The following SMIM36 variants were observed in gnomAD, a reference collection of about 807,000 sequenced individuals.
The protein encoded by SMIM36 is small integral membrane protein 36.
At chr17:55,529,377 C>G in the SMIM36 span, among the ~76,000 whole-genome samples, 13 of 152,170 alleles carry the variant, frequency 8.5e-5, no homozygotes, top group African/African-American at 3.1e-4. Flanking sequence ...AATCCCAACA[C>G]TTTGGGAGGC....
At chr17:55,478,705 A>C (rs1909467584) in intron 3 of SMIM36, 57 bp downstream of exon 3, 1 of 152,180 alleles carries the variant, frequency 6.6e-6, no homozygotes, top group African/African-American at 2.4e-5. Context: ...ACATTTCAGC[A>C]GCCCTGTTCT....
intron 1 of SMIM36, among the ~76,000 whole-genome samples, chr17:55,485,315 T>G (rs763516508): frequency 2.6e-5 from 4 of 151,984 alleles, no homozygotes; most frequent in Non-Finnish European, 5.9e-5. Flanking sequence ...AGACAAGGTT[T>G]TCTTGCTCTG....
At chr17:55,510,334 G>A (rs1235133583) in intron 1 of SMIM36, among the ~76,000 whole-genome samples, 1 of 152,148 alleles carries the variant, frequency 6.6e-6, no homozygotes, top group Admixed American at 6.5e-5. Flanking sequence ...ACTGGGTGCA[G>A]CAGCTCACAT....
At chr17:55,487,731 C>T (rs1321467256) in intron 1 of SMIM36, among the ~76,000 whole-genome samples, 1 of 152,140 alleles carries the variant, frequency 6.6e-6, no homozygotes, top group Non-Finnish European at 1.5e-5. Flanking sequence ...CCAGCAGTAT[C>T]ACCCTTGGGG....
chr17:55,479,575 C>T (rs1284833564), exon 2 of SMIM36: 1 of 152,124 alleles, frequency 6.6e-6, no homozygotes, highest in Non-Finnish European at 1.5e-5. Flanking sequence ...CAGAGTGAGA[C>T]TCCATCTCAA....
At chr17:55,487,453 G>T (rs1450354968) in intron 1 of SMIM36, among the ~76,000 whole-genome samples, 3 of 152,176 alleles carry the variant, frequency 2.0e-5, no homozygotes, top group Non-Finnish European at 4.4e-5. Context: ...GGAAGGCAAG[G>T]GATCAGGAAA....
intron 1 of SMIM36, among the ~76,000 whole-genome samples, chr17:55,497,952 G>A (rs771587701): frequency 6.6e-6 from 1 of 152,144 alleles, no homozygotes; most frequent in Admixed American, 6.5e-5. Context: ...TCCTAACAAA[G>A]TACTGCAAAC....
intron 4 of SMIM36, among the ~76,000 whole-genome samples, chr17:55,452,194 C>T (rs1181517193): frequency 6.6e-6 from 1 of 151,816 alleles, no homozygotes; most frequent in Non-Finnish European, 1.5e-5. Flanking sequence ...TGTATTTGGC[C>T]ATACATCCTA....
upstream of SMIM36, among the ~76,000 whole-genome samples, chr17:55,514,513 G>C (rs150836715): frequency 5.3e-3 from 804 of 152,320 alleles, 8 homozygotes; most frequent in African/African-American, 0.017. Context: ...GAAGCTTAAA[G>C]AGGCAGTGGA....
At chr17:55,493,281 C>T (rs1425863799) in intron 1 of SMIM36, among the ~76,000 whole-genome samples, 1 of 152,190 alleles carries the variant, frequency 6.6e-6, no homozygotes, top group Non-Finnish European at 1.5e-5. Flanking sequence ...TAATTAACTC[C>T]ACTCCTACTT....
At chr17:55,481,907 G>C (rs999038631) in intron 1 of SMIM36, among the ~76,000 whole-genome samples, 2 of 152,086 alleles carry the variant, frequency 1.3e-5, no homozygotes, top group African/African-American at 4.8e-5. Flanking sequence ...ATGTTGCCCA[G>C]GCTTGTTTCA....
intron 4 of SMIM36, among the ~76,000 whole-genome samples, chr17:55,465,287 C>T (rs554257365): frequency 6.6e-6 from 1 of 152,270 alleles, no homozygotes; most frequent in South Asian, 2.1e-4. Context: ...TACTATGTCA[C>T]CTTGGGGAAG....
chr17:55,499,544 G>A (rs996997252), intron 1 of SMIM36, among the ~76,000 whole-genome samples: 9 of 152,126 alleles, frequency 5.9e-5, no homozygotes, highest in South Asian at 2.1e-4. Context: ...TATCTGGCAC[G>A]TAGCGAATTC....
intron 3 of SMIM36, among the ~76,000 whole-genome samples, chr17:55,472,417 G>A (rs890771987): frequency 1.3e-5 from 2 of 152,184 alleles, no homozygotes; most frequent in African/African-American, 2.4e-5. Context: ...CCATAACCAT[G>A]CTGCCATCTG....
chr17:55,452,630 A>AT (rs1908941044), intron 4 of SMIM36, among the ~76,000 whole-genome samples: 1 of 152,224 alleles, frequency 6.6e-6, no homozygotes, highest in Non-Finnish European at 1.5e-5. Flanking sequence ...CTCTGCTCAC[A>AT]TAGTGGCCAT....
In SMIM36 at chr17:55,469,310, A is replaced by C. The variant is rs201984695; in HGVS notation, c.*348-1982T>G. On this transcript the variant is annotated intron_variant, in intron 3 of 4. Coordinates refer to ENST00000636752, the Ensembl canonical transcript of SMIM36. Reference sequence around the variant, plus strand: ...CAGAGGTGGCTGGAGCTGAAGGCATAGTCAAGGTTAATGCTGCTTTTTCTT... The same window carrying C: ...CAGAGGTGGCTGGAGCTGAAGGCATCGTCAAGGTTAATGCTGCTTTTTCTT... Among the ~76,000 whole-genome samples, 13 of 152,318 alleles carry C rather than the reference A, an allele frequency of 8.5e-5. No individual in the cohort carries two copies. The East Asian group carries it at 2.1e-3, about 25-fold the overall frequency.
At chr17:55,453,708 AC>A (rs902173860) in intron 4 of SMIM36, among the ~76,000 whole-genome samples, 1 of 151,996 alleles carries the variant, frequency 6.6e-6, no homozygotes, top group African/African-American at 2.4e-5. Flanking sequence ...GTTCCCTCCC[AC>A]CCCTGCAGGT....
At chr17:55,500,684 T>A (rs997755250) in intron 1 of SMIM36, among the ~76,000 whole-genome samples, 1 of 146,980 alleles carries the variant, frequency 6.8e-6, no homozygotes, top group East Asian at 2.0e-4. Context: ...AATATTCTTC[T>A]CTCTTGGATT....
chr17:55,501,855 C>T lies in SMIM36; in HGVS notation c.*174+9024G>A, dbSNP rs1009049970. On this transcript the variant is annotated intron_variant, in intron 1 of 4. Transcript: ENST00000636752. The stretch of plus-strand genomic sequence containing the variant: ...ACTAGGGAGTGCCAGACGGTGGGCG[C>T]AGGCCAGTGGGTGCGCGCACAGTGC... Among the ~76,000 whole-genome samples, 9 of 145,416 alleles carry T rather than the reference C, an allele frequency of 6.2e-5. No homozygotes were observed. In the East Asian group the frequency reaches 8.1e-4, roughly 13 times the overall value.
Sources: gnomAD v4.1 joint callset for allele counts (sites outside exome capture counted in the v4.1 genomes callset) on GRCh38, gnomAD v4.1.1 for gene constraint, MANE v1.5 for transcripts, NCBI Gene and HGNC (gene_info 2026-07-23, HGNC 2026-07-21) for gene names.